Variants in SUPT20H observed in about 807,000 individuals in gnomAD.
SUPT20H encodes SPT20 homolog, SAGA complex component.
SUPT20H carries 82 observed loss-of-function variants against 122.8 expected under a neutral mutation model. That is an observed-to-expected ratio of 0.67 (90% CI 0.56 to 0.80). SUPT20H has a LOEUF of 0.80. Ranked by LOEUF, SUPT20H falls within the 30% of genes least tolerant of loss-of-function variation. SUPT20H has a pLI of 0.00. For synonymous variants in SUPT20H, 291 were observed against 313.0 expected, an observed-to-expected ratio of 0.93 and a Z score of 0.74; for missense variants, 831 against 921.6, an observed-to-expected ratio of 0.90 and a Z score of 1.27.
Position 37,009,812 on chromosome 13 carries a change from G to A in SUPT20H, c.2203-3C>T, listed in dbSNP as rs1363129072. Reference sequence around the variant, plus strand: ...TGATGCTGCAAGAATCGCAACTGCTGCAAAAGGGAGGGAAAAAAATCGAGT... The same window carrying A: ...TGATGCTGCAAGAATCGCAACTGCTACAAAAGGGAGGGAAAAAAATCGAGT... On this transcript the variant is annotated splice_polypyrimidine_tract_variant and splice_region_variant and intron_variant, in intron 25 of 25. Coordinates refer to ENST00000350612, the MANE Select transcript of SUPT20H (RefSeq NM_001014286.3). 1.9e-6 allele frequency: 3 copies of A among 1,606,096 alleles called. No individual in the cohort carries two copies. Among genetic ancestry groups the A allele is most frequent in the Non-Finnish European group, 2.5e-6 (3 of 1,177,758 alleles).
Position 37,012,385 on chromosome 13 carries a change from A to C in SUPT20H, c.1993-88T>G, listed in dbSNP as rs1004399835. 6 of 1,032,038 alleles carry C rather than the reference A, an allele frequency of 5.8e-6. No homozygotes were observed. The African/African-American group carries it at 8.0e-5, about 14-fold the overall frequency. 63.9% of individuals were successfully genotyped at this position (1,032,038 alleles called of 1,614,324 possible). A position where few individuals can be genotyped will look rare whatever the true frequency, so the allele number is the denominator to read the frequency against. Reference sequence around the variant, plus strand: ...GAAATCAGTATTTTTTCCTATATGAAAGAAAGCAGTATTAGACTAGTCTTG... The same window carrying C: ...GAAATCAGTATTTTTTCCTATATGACAGAAAGCAGTATTAGACTAGTCTTG... On this transcript the variant is annotated intron_variant, in intron 23 of 25. Transcript: ENST00000350612.
intron 1 of SUPT20H, among the ~76,000 whole-genome samples, chr13:37,053,711 T>A (rs1224123054): frequency 2.0e-5 from 3 of 151,818 alleles, no homozygotes; most frequent in Admixed American, 1.3e-4. Context: ...AAAGATACAT[T>A]ATCTAGCCTA....
intron 13 of SUPT20H, among the ~76,000 whole-genome samples, chr13:37,029,362 C>G (rs1176036623): frequency 3.3e-5 from 5 of 151,946 alleles, no homozygotes; most frequent in African/African-American, 4.8e-5. Context: ...AACCCTGTCT[C>G]TACTAAAAAT....
intron 23 of SUPT20H, 117 bp downstream of exon 23, chr13:37,017,128 A>G: frequency 1.4e-6 from 2 of 1,433,136 alleles, no homozygotes; most frequent in South Asian, 1.2e-5. Context: ...TACTATTGTT[A>G]ATAAAAACAG....
chr13:37,055,905 TCAAA>T (rs2068872947), intron 1 of SUPT20H, among the ~76,000 whole-genome samples: 2 of 152,130 alleles, frequency 1.3e-5, no homozygotes, highest in East Asian at 1.9e-4. Flanking sequence ...TACAATGAAC[TCAAA>T]CAAACTTCCA....
chr13:37,039,022 A>G (rs1469845441), intron 9 of SUPT20H: 1 of 152,216 alleles, frequency 6.6e-6, no homozygotes, highest in Non-Finnish European at 1.5e-5. Context: ...TTGTTTTAAG[A>G]AGGGACAAGA....
rs926285819 is a variant in SUPT20H, at chr13:37,019,272, T to C, written c.1872+70A>G. On this transcript the variant is annotated intron_variant, in intron 22 of 25. Coordinates refer to ENST00000350612, the MANE Select transcript of SUPT20H (RefSeq NM_001014286.3). ...TCAGAATTTCAAGTGCTGATACATA[T>C]AGATATACATTGTTTAGAAAAAAAG... The C allele has an allele frequency of 9.4e-6, 11 of 1,165,490 alleles. No homozygotes were observed. The Admixed American group carries it at 1.4e-4, about 15-fold the overall frequency. The allele number at this position is 1,165,490 out of a possible 1,614,324, so 72.2% of individuals were successfully genotyped here.
At chr13:37,035,189 C>T (rs2064106945) in intron 9 of SUPT20H, among the ~76,000 whole-genome samples, 1 of 152,148 alleles carries the variant, frequency 6.6e-6, no homozygotes, top group African/African-American at 2.4e-5. Flanking sequence ...AAGGCTTTAG[C>T]TGCCATAGAT....
chr13:37,012,165 A>G (rs1412180803), intron 24 of SUPT20H, 27 bp downstream of exon 24: 3 of 1,533,412 alleles, frequency 2.0e-6, no homozygotes, highest in East Asian at 4.5e-5. Context: ...TAGTAAATTC[A>G]GCATATAAAG....
chr13:37,053,523 G>C (rs537923388), intron 1 of SUPT20H, among the ~76,000 whole-genome samples: 3 of 151,882 alleles, frequency 2.0e-5, no homozygotes, highest in African/African-American at 7.3e-5. Flanking sequence ...GGGCCTGTTG[G>C]GGGGTTGGGG....
rs750968027 is a variant in SUPT20H at position 37,022,138 on chromosome 13, G to A, written c.1592-58C>T. On this transcript the variant is annotated intron_variant, in intron 19 of 25. Transcript: ENST00000350612. The surrounding 1 kb of genome is among the most constrained non-coding windows in gnomAD (Gnocchi z 4.5). ...GGAATGGTTGTTACAGGCATTGCCT[G>A]GCTCAGAGACCTTTGCTGCTGAGCA... The A allele has an allele frequency of 6.2e-7, 1 of 1,613,968 alleles. No homozygotes were observed. Among genetic ancestry groups the A allele is most frequent in the Non-Finnish European group, 8.5e-7 (1 of 1,180,004 alleles).
Position 37,024,066 on chromosome 13 carries a change from T to A in SUPT20H, c.1560A>T (p.Pro520=), listed in dbSNP as rs2061798925. ...VDLNQVSMLS[P]AALSPASSSQ... ...ATGAGCTGGCAGGTGATAGGGCAGC[T>A]GGAGAAAGCATGCTAACTTGATTGA... Residue 520 remains proline (P), a synonymous_variant, in exon 19 of 26, where the codon CCA becomes CCT. Transcript: ENST00000350612. The A allele has an allele frequency of 6.2e-7, 1 of 1,613,026 alleles. No homozygotes were observed. The highest frequency in any genetic ancestry group is 8.5e-7 in the Non-Finnish European group (1 of 1,179,612).
Position 37,022,707 on chromosome 13 carries a change from G to C in SUPT20H, c.1592-627C>G. 3.0e-6 allele frequency: 3 copies of C among 988,152 alleles called. No individual in the cohort carries two copies. The highest frequency in any genetic ancestry group is 3.6e-6 in the Non-Finnish European group (3 of 829,192). The allele number at this position is 988,152 out of a possible 1,614,324, so 61.2% of individuals were successfully genotyped here. ...TTCATTTAAAAATATTGCTTATTTA[G>C]TGTAAAAGTCTGAGATAAACTGTAA... On this transcript the variant is annotated intron_variant, in intron 19 of 25. Coordinates refer to ENST00000350612, the MANE Select transcript of SUPT20H (RefSeq NM_001014286.3). This position sits in a 1 kb window ranked among gnomAD's most constrained non-coding sequence, Gnocchi z 4.5.
At chr13:37,012,989 T>C (rs2059855628) in intron 23 of SUPT20H, 1 of 152,124 alleles carries the variant, frequency 6.6e-6, no homozygotes, top group Admixed American at 6.5e-5. Context: ...TAAGGACATA[T>C]ACTATGTTCA....
chr13:37,033,561 G>C lies in SUPT20H; in HGVS notation c.595C>G (p.Leu199Val). 6.2e-7 allele frequency: 1 copy of C among 1,613,282 alleles called. No individual in the cohort carries two copies. The highest frequency in any genetic ancestry group is 8.5e-7 in the Non-Finnish European group (1 of 1,179,606). ...AGTGGTTCAGCTGTAGCTAGGATGAGCTGGCTCTCAAGCAAAAGTTTGTCT... is the reference window on the plus strand; with the variant it reads ...AGTGGTTCAGCTGTAGCTAGGATGACCTGGCTCTCAAGCAAAAGTTTGTCT... ...QEDKLLLESQ[L>V]ILATAEPLCL... Residue 199 changes from leucine to valine, a missense_variant, in exon 10 of 26, where the codon CTC becomes GTC. Coordinates refer to ENST00000350612, the MANE Select transcript of SUPT20H (RefSeq NM_001014286.3).
At chr13:37,023,898 A>T in intron 19 of SUPT20H, 137 bp downstream of exon 19, 2 of 786,494 alleles carry the variant, frequency 2.5e-6, no homozygotes, top group Non-Finnish European at 1.9e-6. Context: ...CTCTGCCTGA[A>T]GCTTCTAGCA....
At chr13:37,031,464 G>A (rs2063312684) in intron 12 of SUPT20H, 103 bp downstream of exon 12, 4 of 686,924 alleles carry the variant, frequency 5.8e-6, no homozygotes, top group African/African-American at 1.9e-5. Context: ...AAATCACTTT[G>A]TTTTTAAAGT....
chr13:37,021,992 A>G lies in SUPT20H; in HGVS notation c.1661+19T>C, dbSNP rs2061523423. On this transcript the variant is annotated intron_variant, in intron 20 of 25. Transcript: ENST00000350612. ...ACTATCTTTATAAAAAAAAAATCCG[A>G]ACATCAATGCAAACTTACCAAACAG... 1 of 1,537,230 alleles carries G rather than the reference A, an allele frequency of 6.5e-7. No individual in the cohort carries two copies. Among genetic ancestry groups the G allele is most frequent in the African/African-American group, 1.4e-5 (1 of 71,690 alleles).
chr13:37,048,017 C>A, intron 3 of SUPT20H, 81 bp from the exon 4 acceptor site: 2 of 1,023,200 alleles, frequency 2.0e-6, no homozygotes, highest in South Asian at 2.0e-5. Context: ...CTAAAACATA[C>A]GTAAGGCTAA....
Sources: allele counts gnomAD v4.1 joint callset (sites outside exome capture counted in the v4.1 genomes callset), GRCh38; gene constraint gnomAD v4.1.1; non-coding constraint Gnocchi (gnomAD v3.1); transcripts MANE v1.5; gene names NCBI Gene and HGNC (gene_info 2026-07-23, HGNC 2026-07-21).